RIMS2: variants seen among roughly 807,000 people sequenced by gnomAD.
The protein encoded by RIMS2 is regulating synaptic membrane exocytosis protein 2.
RIMS2 carries 59 observed loss-of-function variants against 174.4 expected under a neutral mutation model. The ratio of observed to expected loss-of-function variants is 0.34; its 90% CI spans 0.27 to 0.42. The LOEUF (loss-of-function observed/expected upper bound fraction) is 0.42, where lower values mean the gene tolerates loss of function less well. Among genes scored for constraint, RIMS2 ranks in the 10% least tolerant of loss-of-function variants. The pLI, the probability that RIMS2 is intolerant of heterozygous loss-of-function variation, is 1.00. For missense variants in RIMS2, 1,620 were observed against 1,666.3 expected (o/e 0.97, Z 0.48); for synonymous variants, 606 against 572.5 (o/e 1.06, Z -0.84).
At chr8:103,684,539 TTTTTATTTTATTTTATTTTATTTTA>T (rs71297228) in intron 1 of RIMS2, among the ~76,000 whole-genome samples, 17,055 of 134,330 alleles carry the variant, frequency 0.13, 1,189 homozygotes, top group Middle Eastern at 0.23. Flanking sequence ...GTTCATACTT[TTTTTATTTTATTTTATTTTATTTTA>T]TTTTATTTTA....
At chr8:103,819,131 T>C (rs1322916642) in intron 3 of RIMS2, 4 of 873,592 alleles carry the variant, frequency 4.6e-6, no homozygotes, top group South Asian at 4.7e-5. Flanking sequence ...CCAGATGTGC[T>C]AAAACTCCTG....
intron 10 of RIMS2, among the ~76,000 whole-genome samples, chr8:103,926,071 T>C (rs953670370): frequency 6.6e-6 from 1 of 151,498 alleles, no homozygotes; most frequent in East Asian, 1.9e-4. Flanking sequence ...TTTTAGAACA[T>C]GGAAAAATGT....
At chr8:103,915,393 G>GT (rs2076466531) in intron 6 of RIMS2, 102 bp from the exon 10 acceptor site, 1 of 555,814 alleles carries the variant, frequency 1.8e-6, no homozygotes, top group East Asian at 3.0e-5. Context: ...TTAAATTAGC[G>GT]TTTTAGGTGT....
chr8:103,748,242 G>A (rs984801742), intron 2 of RIMS2, among the ~76,000 whole-genome samples: 1 of 151,906 alleles, frequency 6.6e-6, no homozygotes. Flanking sequence ...AGGAGTTCAA[G>A]ACTAGACTGG....
intron 3 of RIMS2, among the ~76,000 whole-genome samples, chr8:103,782,110 T>C (rs2098396516): frequency 6.8e-6 from 1 of 146,340 alleles, no homozygotes; most frequent in South Asian, 2.2e-4. Flanking sequence ...TCAGTTTCTG[T>C]TTTCTTTTTT....
intron 2 of RIMS2, among the ~76,000 whole-genome samples, chr8:103,709,342 T>G (rs1590846958): frequency 1.9e-5 from 2 of 105,324 alleles, no homozygotes; most frequent in Admixed American, 9.3e-5. Flanking sequence ...GTATGTGGGT[T>G]TTTTTTTTTT....
intron 19 of RIMS2, among the ~76,000 whole-genome samples, chr8:104,086,793 G>A (rs1197703814): frequency 2.0e-5 from 3 of 151,960 alleles, no homozygotes; most frequent in Non-Finnish European, 4.4e-5. Context: ...TTCTTCACAG[G>A]TCCAAGGTGA....
chr8:103,542,634 G>A (rs1387311755), intron 1 of RIMS2, among the ~76,000 whole-genome samples: 1 of 152,124 alleles, frequency 6.6e-6, no homozygotes, highest in Non-Finnish European at 1.5e-5. Context: ...TGAAATACTA[G>A]CAAACTGAAT....
intron 19 of RIMS2, among the ~76,000 whole-genome samples, chr8:104,107,627 C>T (rs1409828489): frequency 1.3e-5 from 2 of 152,212 alleles, no homozygotes; most frequent in Non-Finnish European, 2.9e-5. Context: ...ATGCTAGTCA[C>T]AGTCTTCTTT....
intron 1 of RIMS2, among the ~76,000 whole-genome samples, chr8:103,657,944 T>TGGG (rs2096551208): frequency 1.3e-5 from 2 of 152,172 alleles, no homozygotes; most frequent in Non-Finnish European, 2.9e-5. Context: ...GTATTTAAAA[T>TGGG]CTAGACCCAG....
chr8:103,766,453 G>A (rs764406511), exon 3 of RIMS2: 9 of 1,613,624 alleles, frequency 5.6e-6, no homozygotes, highest in African/African-American at 2.7e-5. Flanking sequence ...GAGAAAAGTC[G>A]ATCTCATGGG....
chr8:104,122,619 G>A, intron 19 of RIMS2, among the ~76,000 whole-genome samples: 1 of 152,172 alleles, frequency 6.6e-6, no homozygotes, highest in East Asian at 1.9e-4. Context: ...GAATTTTCAT[G>A]TAAGGCCTGA....
chr8:103,915,320 C>T (rs550946400), intron 6 of RIMS2, among the ~76,000 whole-genome samples, 175 bp from the exon 10 acceptor site: 2 of 152,108 alleles, frequency 1.3e-5, no homozygotes, highest in East Asian at 3.9e-4. Context: ...AAAGACCTAG[C>T]TCTTAGGGCA....
intron 3 of RIMS2, among the ~76,000 whole-genome samples, chr8:103,857,955 A>G (rs1373320510): frequency 6.6e-6 from 1 of 152,144 alleles, no homozygotes. Flanking sequence ...CTCCTTCCTA[A>G]GGAGAAATGT....
chr8:103,770,683 C>T (rs2098242271), intron 3 of RIMS2, among the ~76,000 whole-genome samples: 2 of 152,064 alleles, frequency 1.3e-5, no homozygotes, highest in African/African-American at 2.4e-5. Flanking sequence ...TCTCCCTTTG[C>T]CCATTTTCTT....
intron 3 of RIMS2, among the ~76,000 whole-genome samples, chr8:103,831,861 T>C (rs1215973304): frequency 6.6e-6 from 1 of 152,180 alleles, no homozygotes; most frequent in Non-Finnish European, 1.5e-5. Flanking sequence ...TTCACATAAC[T>C]GAAAACAGAA....
chr8:103,649,003 G>T (rs538124177), intron 1 of RIMS2, among the ~76,000 whole-genome samples: 1 of 152,074 alleles, frequency 6.6e-6, no homozygotes, highest in Non-Finnish European at 1.5e-5. Context: ...TGGTTATTTC[G>T]CATACTTGTT....
intron 17 of RIMS2, among the ~76,000 whole-genome samples, chr8:104,010,035 C>T (rs1347719298): frequency 3.3e-5 from 5 of 151,168 alleles, no homozygotes; most frequent in Admixed American, 1.3e-4. Context: ...GACGGACGGA[C>T]GGATGACAGG....
At chr8:103,756,790 G>C (rs1029688979) in intron 2 of RIMS2, among the ~76,000 whole-genome samples, 1 of 151,982 alleles carries the variant, frequency 6.6e-6, no homozygotes, top group African/African-American at 2.4e-5. Flanking sequence ...GGTTATAGGT[G>C]GTGTATAGAA....
Sources: gnomAD v4.1 joint callset for allele counts (sites outside exome capture counted in the v4.1 genomes callset) on GRCh38, gnomAD v4.1.1 for gene constraint, MANE v1.5 for transcripts, NCBI Gene and HGNC (gene_info 2026-07-23, HGNC 2026-07-21) for gene names.